The following IGFL2 variants were observed in gnomAD, a reference collection of about 807,000 sequenced individuals.
IGFL2 encodes the protein IGF like family member 2, also known as insulin growth factor-like family member 2.
IGFL2 carries 7 observed loss-of-function variants against 13.9 expected under a neutral mutation model. The ratio of observed to expected loss-of-function variants is 0.51; its 90% confidence interval spans 0.29 to 0.95. The LOEUF (loss-of-function observed/expected upper bound fraction) is 0.95, where lower values mean the gene tolerates loss of function less well. Ranked by LOEUF, IGFL2 falls within the 40% of genes least tolerant of loss-of-function variation. The pLI, the probability that IGFL2 is intolerant of heterozygous loss-of-function variation, is 0.08. For missense variants in IGFL2, 138 were observed against 147.8 expected (o/e 0.93, Z 0.34); for synonymous variants, 55 against 55.8 (o/e 0.99, Z 0.07).
chr19:46,099,118 A>G, the IGFL2 span, among the ~76,000 whole-genome samples: 2 of 152,194 alleles, frequency 1.3e-5, no homozygotes, highest in Non-Finnish European at 2.9e-5. Context: ...TGGGTTGGAA[A>G]TTATTTTCTT....
chr19:46,124,032 G>A, the IGFL2 span: 2 of 1,611,532 alleles, frequency 1.2e-6, no homozygotes, highest in Non-Finnish European at 1.7e-6. Context: ...TGGAGCCACA[G>A]CGGCGGGTCT....
chr19:46,100,809 A>G, the IGFL2 span, among the ~76,000 whole-genome samples: 42 of 152,268 alleles, frequency 2.8e-4, no homozygotes, highest in Middle Eastern at 3.4e-3. Flanking sequence ...GGGTCCCAAA[A>G]TTTAATTTCC....
At chr19:46,212,153 C>T in the IGFL2 span, 1 of 152,166 alleles carries the variant, frequency 6.6e-6, no homozygotes, top group Non-Finnish European at 1.5e-5. Context: ...AACACTCTAC[C>T]CCACAGCAAC....
chr19:46,197,694 G>A, the IGFL2 span, among the ~76,000 whole-genome samples: 1 of 152,096 alleles, frequency 6.6e-6, no homozygotes, highest in Non-Finnish European at 1.5e-5. Flanking sequence ...ACTGTGCCCA[G>A]CTAATTTTTG....
At chr19:46,086,956 TATG>T in the IGFL2 span, among the ~76,000 whole-genome samples, 1 of 152,164 alleles carries the variant, frequency 6.6e-6, no homozygotes, top group African/African-American at 2.4e-5. Flanking sequence ...TGAAGGCTAT[TATG>T]AAGTTTTGCT....
the IGFL2 span, among the ~76,000 whole-genome samples, chr19:46,117,670 G>A: frequency 0.041 from 6,273 of 152,120 alleles, 184 homozygotes; most frequent in Middle Eastern, 0.078. Context: ...TAGTAGAGAC[G>A]GGGTTTCACC....
the IGFL2 span, among the ~76,000 whole-genome samples, chr19:46,178,526 A>G: frequency 6.6e-6 from 1 of 152,196 alleles, no homozygotes; most frequent in African/African-American, 2.4e-5. Context: ...TCCCAGATCT[A>G]GGAGAGATTA....
chr19:46,147,243 T>G (rs1172733514), upstream of IGFL2, among the ~76,000 whole-genome samples: 2 of 152,170 alleles, frequency 1.3e-5, no homozygotes, highest in Non-Finnish European at 2.9e-5. Flanking sequence ...TGTCTACAAT[T>G]ATAATAATGG....
chr19:46,177,652 G>T, the IGFL2 span, among the ~76,000 whole-genome samples: 1 of 152,074 alleles, frequency 6.6e-6, no homozygotes, highest in African/African-American at 2.4e-5. Context: ...CCTTTGGAGA[G>T]TCCTCCTACC....
At chr19:46,144,858 A>G (rs1973036095), upstream of IGFL2, among the ~76,000 whole-genome samples, 1 of 152,160 alleles carries the variant, frequency 6.6e-6, no homozygotes, top group Non-Finnish European at 1.5e-5. Flanking sequence ...TGTCACAGGA[A>G]AGGCTAAGTT....
the IGFL2 span, chr19:46,120,357 C>A: frequency 2.5e-6 from 4 of 1,611,002 alleles, no homozygotes; most frequent in Non-Finnish European, 2.5e-6. Context: ...GCCTCCTGTT[C>A]CTATCACAGT....
chr19:46,167,363 G>A, the IGFL2 span, among the ~76,000 whole-genome samples: 40 of 152,314 alleles, frequency 2.6e-4, 1 homozygote, highest in African/African-American at 9.4e-4. Flanking sequence ...ATGATACTGG[G>A]CAGATCAGCC....
the IGFL2 span, among the ~76,000 whole-genome samples, chr19:46,167,179 G>A: frequency 1.3e-5 from 2 of 152,290 alleles, no homozygotes; most frequent in East Asian, 1.9e-4. Context: ...CACAATCCAC[G>A]TTCTTCTGTC....
chr19:46,197,039 G>T, the IGFL2 span: 1 of 219,686 alleles, frequency 4.6e-6, no homozygotes, highest in African/African-American at 2.3e-5. Context: ...CCCCATGGGT[G>T]CTTATCTGAT....
chr19:46,108,696 G>T, the IGFL2 span, among the ~76,000 whole-genome samples: 1 of 152,132 alleles, frequency 6.6e-6, no homozygotes, highest in Non-Finnish European at 1.5e-5. Context: ...ATCAAGGCAG[G>T]CATCCCCGCA....
chr19:46,119,919 C>A, the IGFL2 span, among the ~76,000 whole-genome samples: 1 of 150,808 alleles, frequency 6.6e-6, no homozygotes, highest in Admixed American at 6.6e-5. Context: ...GCCCACAACT[C>A]ATGAAGCCTC....
chr19:46,100,414 A>G, the IGFL2 span, among the ~76,000 whole-genome samples: 1 of 152,198 alleles, frequency 6.6e-6, no homozygotes, highest in Non-Finnish European at 1.5e-5. Context: ...CCAAATTTAA[A>G]GGGGAAAGGG....
the IGFL2 span, chr19:46,196,263 TA>T: frequency 3.9e-6 from 1 of 257,558 alleles, no homozygotes; most frequent in Non-Finnish European, 8.2e-6. Context: ...ACATCTTGGG[TA>T]AGGAGGACAG....
At chr19:46,148,225 A>G, upstream of IGFL2, 1 of 1,522,650 alleles carries the variant, frequency 6.6e-7, no homozygotes, top group African/African-American at 1.4e-5. Context: ...GTCCCTGTAT[A>G]AAGTCACTGA....
Sources: gnomAD v4.1 joint callset for allele counts (sites outside exome capture counted in the v4.1 genomes callset) on GRCh38, gnomAD v4.1.1 for gene constraint, MANE v1.5 for transcripts, NCBI Gene and HGNC (gene_info 2026-07-23, HGNC 2026-07-21) for gene names.